The following DLG2 variants were observed in gnomAD, a reference collection of about 807,000 sequenced individuals.
The protein encoded by DLG2 is disks large homolog 2.
Under a neutral mutation model 132.5 loss-of-function variants are expected in DLG2, and 45 were observed. That is an observed-to-expected ratio of 0.34 (90% CI 0.27 to 0.44). The LOEUF (loss-of-function observed/expected upper bound fraction) is 0.44. Ranked by LOEUF, DLG2 falls within the 20% of genes least tolerant of loss-of-function variation. DLG2 has a pLI of 1.00. For synonymous variants in DLG2, 424 were observed against 419.6 expected (o/e 1.01, Z -0.13); for missense variants, 1,045 against 1,196.9 (o/e 0.87, Z 1.87).
At chr11:84,703,826 T>C (rs1419796831) in intron 6 of DLG2, among the ~76,000 whole-genome samples, 2 of 139,580 alleles carry the variant, frequency 1.4e-5, no homozygotes, top group Admixed American at 1.5e-4. Context: ...TCTTCTTAGC[T>C]TAGAAAATAA....
intron 3 of DLG2, among the ~76,000 whole-genome samples, chr11:85,411,819 T>TAAGAACAAGAAATATAACC (rs1414103995): frequency 6.6e-6 from 1 of 151,860 alleles, no homozygotes; most frequent in African/African-American, 2.4e-5. Context: ...AATTCTAGCC[T>TAAGAACAAGAAATATAACC]AAGAACAAGA....
At chr11:84,920,273 C>G (rs1288123403) in intron 6 of DLG2, among the ~76,000 whole-genome samples, 1 of 152,198 alleles carries the variant, frequency 6.6e-6, no homozygotes, top group Non-Finnish European at 1.5e-5. Flanking sequence ...ATTTGCAGCT[C>G]TTTGAAGTGC....
intron 14 of DLG2, among the ~76,000 whole-genome samples, chr11:83,946,754 C>T (rs917255122): frequency 6.6e-6 from 1 of 151,864 alleles, no homozygotes; most frequent in African/African-American, 2.4e-5. Flanking sequence ...TGCACATACA[C>T]ATAATTTTTA....
chr11:84,333,875 CA>C (rs950118299), intron 7 of DLG2, among the ~76,000 whole-genome samples: 2 of 152,084 alleles, frequency 1.3e-5, no homozygotes, highest in African/African-American at 4.8e-5. Flanking sequence ...ATTATTGTCA[CA>C]AATACAATGA....
chr11:84,289,737 G>C (rs916722846), intron 7 of DLG2, among the ~76,000 whole-genome samples: 1 of 152,146 alleles, frequency 6.6e-6, no homozygotes, highest in Non-Finnish European at 1.5e-5. Context: ...TCGTAAACAA[G>C]GCAGAAGTGG....
intron 15 of DLG2, among the ~76,000 whole-genome samples, chr11:83,898,348 T>C (rs181275623): frequency 8.5e-4 from 129 of 152,246 alleles, no homozygotes; most frequent in African/African-American, 3.0e-3. Flanking sequence ...AAAACTATAA[T>C]GACTGATTTT....
At chr11:84,561,881 T>C (rs2099429391) in intron 6 of DLG2, among the ~76,000 whole-genome samples, 1 of 152,116 alleles carries the variant, frequency 6.6e-6, no homozygotes, top group Admixed American at 6.6e-5. Flanking sequence ...ATGAACACTA[T>C]ATATGTCAAA....
intron 7 of DLG2, among the ~76,000 whole-genome samples, chr11:84,340,232 A>C (rs999078898): frequency 6.6e-6 from 1 of 152,130 alleles, no homozygotes; most frequent in East Asian, 1.9e-4. Flanking sequence ...ACAAAACCCC[A>C]CCAGTTGCCT....
intron 7 of DLG2, among the ~76,000 whole-genome samples, chr11:84,459,129 T>C (rs144360816): frequency 2.9e-4 from 44 of 150,762 alleles, no homozygotes; most frequent in African/African-American, 1.1e-3. Context: ...TTTCAGCACA[T>C]TGTCAATTTT....
At chr11:84,796,687 TC>T (rs925458699) in intron 6 of DLG2, among the ~76,000 whole-genome samples, 1 of 128,830 alleles carries the variant, frequency 7.8e-6, no homozygotes, top group African/African-American at 2.5e-5. Context: ...GTAATTTTTT[TC>T]CCCCTGCAGC....
intron 6 of DLG2, among the ~76,000 whole-genome samples, chr11:84,600,226 G>GAAAGAA (rs2099573610): frequency 8.2e-6 from 1 of 121,626 alleles, no homozygotes; most frequent in Admixed American, 7.9e-5. Context: ...GAAAGAAAGA[G>GAAAGAA]AAAGAAAGAC....
intron 8 of DLG2, among the ~76,000 whole-genome samples, chr11:84,178,106 T>C (rs957536561): frequency 2.0e-5 from 3 of 152,102 alleles, no homozygotes; most frequent in African/African-American, 7.2e-5. Flanking sequence ...CACAAAATTC[T>C]GTGGGTACAG....
chr11:85,577,028 T>C (rs2078198240), intron 3 of DLG2, among the ~76,000 whole-genome samples: 1 of 151,964 alleles, frequency 6.6e-6, no homozygotes, highest in African/African-American at 2.4e-5. Context: ...GAGTAGGCAA[T>C]GGGGGGCATG....
At chr11:84,031,418 A>G (rs1031835353) in intron 11 of DLG2, among the ~76,000 whole-genome samples, 1 of 152,158 alleles carries the variant, frequency 6.6e-6, no homozygotes, top group African/African-American at 2.4e-5. Flanking sequence ...TTATGAGACT[A>G]TTAGACTTGA....
intron 7 of DLG2, among the ~76,000 whole-genome samples, chr11:84,318,782 G>A (rs555963264): frequency 6.6e-6 from 1 of 152,264 alleles, no homozygotes; most frequent in African/African-American, 2.4e-5. Flanking sequence ...GGCCAGATAT[G>A]TAAGTTTAGA....
At chr11:84,879,339 T>C (rs2086917338) in intron 6 of DLG2, among the ~76,000 whole-genome samples, 1 of 152,178 alleles carries the variant, frequency 6.6e-6, no homozygotes, top group African/African-American at 2.4e-5. Flanking sequence ...TATTTAACAC[T>C]GTAGACTACT....
intron 4 of DLG2, among the ~76,000 whole-genome samples, chr11:85,170,802 G>A (rs1486458534): frequency 6.6e-6 from 1 of 152,146 alleles, no homozygotes; most frequent in East Asian, 1.9e-4. Context: ...ACAGGAGAGA[G>A]AGACTTGCTG....
intron 5 of DLG2, among the ~76,000 whole-genome samples, chr11:85,143,281 T>C (rs1298287091): frequency 6.6e-6 from 1 of 151,662 alleles, no homozygotes; most frequent in Non-Finnish European, 1.5e-5. Flanking sequence ...TCTTGGTAGG[T>C]TGTATGTGTC....
At chr11:84,579,520 A>G (rs2099511438) in intron 6 of DLG2, among the ~76,000 whole-genome samples, 1 of 152,208 alleles carries the variant, frequency 6.6e-6, no homozygotes, top group Non-Finnish European at 1.5e-5. Flanking sequence ...TTTCAAGAAC[A>G]GAATATATGT....
Sources: gnomAD v4.1 joint callset for allele counts (sites outside exome capture counted in the v4.1 genomes callset) on GRCh38, gnomAD v4.1.1 for gene constraint, MANE v1.5 for transcripts, NCBI Gene and HGNC (gene_info 2026-07-23, HGNC 2026-07-21) for gene names.